The following CCNG1 variants were observed in gnomAD, a reference collection of about 807,000 sequenced individuals.
The protein encoded by CCNG1 is cyclin-G1.
Under a neutral mutation model 30.0 loss-of-function variants are expected in CCNG1, and 13 were observed. The ratio of observed to expected loss-of-function variants is 0.43; its 90% CI spans 0.28 to 0.69. The LOEUF (loss-of-function observed/expected upper bound fraction) is 0.69. Ranked by LOEUF, CCNG1 falls within the 30% of genes least tolerant of loss-of-function variation. The pLI, the probability that CCNG1 is intolerant of heterozygous loss-of-function variation, is 0.16. For synonymous variants in CCNG1, 110 were observed against 121.5 expected, an observed-to-expected ratio of 0.91 and a Z score of 0.62; for missense variants, 285 against 331.4, an observed-to-expected ratio of 0.86 and a Z score of 1.09.
chr5:163,455,599 T>C, the CCNG1 span, among the ~76,000 whole-genome samples: 1 of 151,952 alleles, frequency 6.6e-6, no homozygotes, highest in African/African-American at 2.4e-5. Context: ...CCACCTCTAC[T>C]AAAAATACAA....
intron 2 of CCNG1, among the ~76,000 whole-genome samples, 163 bp from the exon 3 acceptor site, chr5:163,440,915 A>G (rs948060737): frequency 6.6e-6 from 1 of 152,184 alleles, no homozygotes; most frequent in African/African-American, 2.4e-5. Flanking sequence ...TTGACAGGCT[A>G]TAGTTTAGGT....
the CCNG1 span, chr5:163,453,983 G>C: frequency 1.3e-6 from 2 of 1,538,748 alleles, no homozygotes; most frequent in Non-Finnish European, 1.8e-6. Flanking sequence ...CTCAAGGTTT[G>C]AGAAATCTGG....
the CCNG1 span, chr5:163,453,941 T>C: frequency 7.5e-7 from 1 of 1,340,732 alleles, no homozygotes. Context: ...TCTGCTAGGA[T>C]CCACAGAATG....
At chr5:163,456,785 C>A in the CCNG1 span, 1 of 638,434 alleles carries the variant, frequency 1.6e-6, no homozygotes, top group Non-Finnish European at 2.4e-6. Context: ...CAAGAAAGGC[C>A]ATTTTTCTAA....
intron 6 of CCNG1, among the ~76,000 whole-genome samples, chr5:163,442,897 T>C (rs1159122416): frequency 6.6e-6 from 1 of 152,154 alleles, no homozygotes; most frequent in Non-Finnish European, 1.5e-5. Flanking sequence ...ATCTGACTGA[T>C]TTAAAATTAC....
chr5:163,443,360 A>C (rs926784462), intron 6 of CCNG1, among the ~76,000 whole-genome samples: 111 of 151,962 alleles, frequency 7.3e-4, no homozygotes, highest in Non-Finnish European at 7.4e-5. Flanking sequence ...GATGGTCTCT[A>C]CATTGGGTAT....
At chr5:163,439,593 T>C (rs1581165946) in intron 2 of CCNG1, 73 bp downstream of exon 2, 2 of 1,399,564 alleles carry the variant, frequency 1.4e-6, no homozygotes, top group African/African-American at 3.1e-5. Context: ...TTTTGGCTGG[T>C]ATTCATAAAC....
At chr5:163,445,620 A>ATTTTTTTT (rs56065634), downstream of CCNG1, among the ~76,000 whole-genome samples, 37,862 of 107,718 alleles carry the variant, frequency 0.35, 7,776 homozygotes, top group Non-Finnish European at 0.42. Context: ...CACCCAGCTA[A>ATTTTTTTT]TTTTTTTTTT....
At chr5:163,438,554 G>A (rs1406971035) in intron 1 of CCNG1, among the ~76,000 whole-genome samples, 4 of 152,108 alleles carry the variant, frequency 2.6e-5, no homozygotes, top group African/African-American at 9.7e-5. Context: ...TTATCAATGT[G>A]GAACTAAGTA....
At position 163,441,869 on chromosome 5, in the gene CCNG1, C is replaced by T. The variant is rs1400530755; in HGVS notation, c.519-17C>T. On this transcript the variant is annotated splice_polypyrimidine_tract_variant and intron_variant, in intron 3 of 6. Transcript: ENST00000340828. Reference sequence around the variant, plus strand: ...GTAGTATTACCTAATAAAAGTAATACCATTTTCTTTTTAAAGGAGAAATAG... The same window carrying T: ...GTAGTATTACCTAATAAAAGTAATATCATTTTCTTTTTAAAGGAGAAATAG... 3 of 1,486,426 alleles carry T rather than the reference C, an allele frequency of 2.0e-6. No homozygotes were observed. In the South Asian group the frequency reaches 3.5e-5, roughly 17 times the overall value. 92.1% of individuals were successfully genotyped at this position (1,486,426 alleles called of 1,614,324 possible).
rs779225732 is a variant in CCNG1, at chr5:163,441,147, G to C, written c.334G>C (p.Glu112Gln). ...TTTGGCTGTAAAATCAATAGAAGAG[G>C]AAAGGAATGTCCCATTGGCAACTGA... is the stretch of plus-strand genomic sequence containing the variant. ...FYLAVKSIEE[E>Q]RNVPLATDLI... Residue 112 changes from glutamate (E) to glutamine (Q), a missense_variant, in exon 3 of 7, where the codon GAA (glutamate) becomes CAA (glutamine). Physicochemically the swap from Glu to Gln is conservative, Grantham distance 29. Transcript: ENST00000340828. 7 of 1,613,952 alleles carry C rather than the reference G, an allele frequency of 4.3e-6. No homozygotes were observed. In the East Asian group the frequency reaches 1.6e-4, roughly 36 times the overall value.
Position 163,443,886 on chromosome 5 carries a change from A to G in CCNG1, c.*216A>G. 3.7e-6 allele frequency: 2 copies of G among 539,872 alleles called. No homozygotes were observed. Among genetic ancestry groups the G allele is most frequent in the East Asian group, 3.0e-5 (1 of 33,410 alleles). The allele number at this position is 539,872 out of a possible 1,614,324, so 33.4% of individuals were successfully genotyped here. A position where few individuals can be genotyped will look rare whatever the true frequency, so the allele number is the denominator to read the frequency against. ...TCTGTGAAGCATTCAAATCAAAGCT[A>G]AAAGCCTAAATGTGAAATGCTAATG... On this transcript the variant is annotated 3_prime_UTR_variant, in exon 7 of 7. Transcript: ENST00000340828.
intron 3 of CCNG1, 42 bp downstream of exon 3, chr5:163,441,373 G>A (rs374127842): frequency 5.7e-6 from 9 of 1,579,714 alleles, no homozygotes; most frequent in Middle Eastern, 1.7e-4. Flanking sequence ...TTGGAAATCA[G>A]AATGGTATTG....
the CCNG1 span, among the ~76,000 whole-genome samples, chr5:163,454,681 A>C: frequency 4.6e-5 from 7 of 152,252 alleles, no homozygotes; most frequent in Middle Eastern, 3.4e-3. Context: ...ATGCCACACA[A>C]ATTTCTAAGA....
At chr5:163,455,755 A>C in the CCNG1 span, among the ~76,000 whole-genome samples, 1 of 151,260 alleles carries the variant, frequency 6.6e-6, no homozygotes, top group Non-Finnish European at 1.5e-5. Flanking sequence ...AAAAAAAAGA[A>C]CTGCTCTAAC....
chr5:163,441,705 C>A, intron 3 of CCNG1, 181 bp from the exon 4 acceptor site: 1 of 561,538 alleles, frequency 1.8e-6, no homozygotes, highest in Non-Finnish European at 3.2e-6. Context: ...TCTAAAACTC[C>A]CATATGGTGC....
chr5:163,446,545 TCAAAAC>T (rs1758041451), downstream of CCNG1: 1 of 152,204 alleles, frequency 6.6e-6, no homozygotes, highest in Non-Finnish European at 1.5e-5. Context: ...TAATTTTTAA[TCAAAAC>T]TATATGCTGG....
At chr5:163,448,669 G>A (rs552957279), downstream of CCNG1, 22 of 151,746 alleles carry the variant, frequency 1.4e-4, no homozygotes, top group African/African-American at 5.1e-4. Flanking sequence ...GATAACACAA[G>A]GAAAAAACAA....
downstream of CCNG1, chr5:163,449,440 A>G (rs1758121299): frequency 6.6e-6 from 1 of 152,246 alleles, no homozygotes; most frequent in Admixed American, 6.5e-5. Context: ...ATGCTGAAAA[A>G]TGACATAAAA....
Sources: gnomAD v4.1 joint callset for allele counts (sites outside exome capture counted in the v4.1 genomes callset) on GRCh38, gnomAD v4.1.1 for gene constraint, MANE v1.5 for transcripts, NCBI Gene and HGNC (gene_info 2026-07-23, HGNC 2026-07-21) for gene names.